Variants in AUTS2 observed in about 807,000 individuals in gnomAD.
The protein encoded by AUTS2 is activator of transcription and developmental regulator AUTS2.
AUTS2 carries 17 observed loss-of-function variants against 112.4 expected under a neutral mutation model. That is an observed-to-expected ratio of 0.15 (90% CI 0.10 to 0.23). The LOEUF (loss-of-function observed/expected upper bound fraction) is 0.23. Among genes scored for constraint, AUTS2 ranks in the 10% least tolerant of loss-of-function variants. The pLI, the probability that AUTS2 is intolerant of heterozygous loss-of-function variation, is 1.00. For missense variants in AUTS2, 1,510 were observed against 1,701.6 expected (o/e 0.89, Z 1.98); for synonymous variants, 751 against 702.7 (o/e 1.07, Z -1.09).
intron 6 of AUTS2, among the ~76,000 whole-genome samples, chr7:70,741,256 A>C (rs1477569820): frequency 6.6e-6 from 1 of 152,018 alleles, no homozygotes; most frequent in African/African-American, 2.4e-5. Flanking sequence ...TAAAATCACC[A>C]TGCTGTTCAC....
intron 5 of AUTS2, among the ~76,000 whole-genome samples, chr7:70,628,314 CTATATATATATATACATATATATATAG>C (rs1379139113): frequency 1.7e-5 from 1 of 59,602 alleles, no homozygotes; most frequent in Non-Finnish European, 3.1e-5. Context: ...ATTTGCAAAA[CTATATATATATATACATATATATATAG>C]TATATATATA....
chr7:70,144,788 AAAGTC>A, intron 4 of AUTS2, among the ~76,000 whole-genome samples: 1 of 152,100 alleles, frequency 6.6e-6, no homozygotes, highest in Non-Finnish European at 1.5e-5. Flanking sequence ...GTTATAGTTG[AAAGTC>A]ACATTAATTT....
At chr7:70,585,979 C>T (rs1435467640) in intron 5 of AUTS2, among the ~76,000 whole-genome samples, 1 of 152,074 alleles carries the variant, frequency 6.6e-6, no homozygotes, top group Non-Finnish European at 1.5e-5. Flanking sequence ...TCTCCTGCCT[C>T]AGCCCCCTAA....
intron 2 of AUTS2, among the ~76,000 whole-genome samples, chr7:69,990,492 C>T (rs1157773216): frequency 1.3e-5 from 2 of 152,048 alleles, no homozygotes; most frequent in African/African-American, 4.8e-5. Context: ...GTTCTTCAAA[C>T]CAAAATGACT....
At position 70,033,451 on chromosome 7, in the gene AUTS2, C is replaced by A. The variant is rs189131935; in HGVS notation, c.523-84681C>A. On this transcript the variant is annotated intron_variant, in intron 2 of 18. Transcript: ENST00000342771. Reference sequence around the variant, plus strand: ...TGAGAGAATGCCATGCATTGGGAAGCAGTGTGGGGCAAGATCTGTGTGGCT... The same window carrying A: ...TGAGAGAATGCCATGCATTGGGAAGAAGTGTGGGGCAAGATCTGTGTGGCT... Among the ~76,000 whole-genome samples, 238 of 152,196 alleles carry A rather than the reference C, an allele frequency of 1.6e-3. 2 individuals carry two copies. The highest frequency in any genetic ancestry group is 7.7e-4 in the East Asian group (4 of 5,176).
chr7:70,790,745 G>A lies in AUTS2; in HGVS notation c.3529G>A (p.Gly1177Arg), dbSNP rs1272659885. 5.0e-6 allele frequency: 8 copies of A among 1,613,248 alleles called. No homozygotes were observed. The highest frequency in any genetic ancestry group is 1.3e-5 in the African/African-American group (1 of 74,844). Residue 1177 changes from glycine (G) to arginine (R), a missense_variant, in exon 19 of 19, where the codon GGA (glycine) becomes AGA (arginine). Gly to Arg is a moderately radical substitution (Grantham distance 125). Around this residue, in one of 3 missense-constraint regions of AUTS2, gnomAD observed 788 missense variants for 797.6 expected, o/e 0.99. Coordinates refer to ENST00000342771, the MANE Select transcript of AUTS2 (RefSeq NM_015570.4). The surrounding 1 kb of genome is among the most constrained non-coding windows in gnomAD (Gnocchi z 7.6). ...CTCCGTGCACCCCGCCTCCCTCGAC[G>A]GACACCTCCCCCACCCCAGCCTCAT... Reference protein sequence around the residue: ...LHSVHPASLDGHLPHPSLITP... With the variant: ...LHSVHPASLDRHLPHPSLITP...
At chr7:70,206,594 G>A (rs567769253) in intron 4 of AUTS2, among the ~76,000 whole-genome samples, 152 of 152,240 alleles carry the variant, frequency 1.0e-3, no homozygotes, top group African/African-American at 3.6e-3. Context: ...CCACCTACAA[G>A]GATGTCTCAA....
intron 2 of AUTS2, among the ~76,000 whole-genome samples, chr7:70,059,739 G>C (rs115275242): frequency 6.6e-6 from 1 of 152,006 alleles, no homozygotes; most frequent in Non-Finnish European, 1.5e-5. Context: ...TTATGTTTTC[G>C]ATGCCTTCGA....
At chr7:70,054,970 A>G (rs915119092) in intron 2 of AUTS2, among the ~76,000 whole-genome samples, 3 of 151,948 alleles carry the variant, frequency 2.0e-5, no homozygotes, top group South Asian at 4.1e-4. Context: ...TTCTCCTGAT[A>G]TAACTTACTT....
chr7:70,275,722 G>T (rs1787897639), intron 4 of AUTS2, among the ~76,000 whole-genome samples: 2 of 152,088 alleles, frequency 1.3e-5, no homozygotes, highest in Non-Finnish European at 2.9e-5. Flanking sequence ...TTGTGATAGT[G>T]AGTACTCACA....
intron 1 of AUTS2, among the ~76,000 whole-genome samples, chr7:69,812,632 C>T (rs1418758710): frequency 1.3e-5 from 2 of 152,140 alleles, no homozygotes; most frequent in East Asian, 3.9e-4. Context: ...CAACTTTCAA[C>T]TGTATTTTGT....
At chr7:69,734,602 T>C (rs1198915240) in intron 1 of AUTS2, among the ~76,000 whole-genome samples, 3 of 151,844 alleles carry the variant, frequency 2.0e-5, no homozygotes, top group African/African-American at 4.8e-5. Context: ...TTTTGAAATA[T>C]ATATATGTAT....
chr7:69,712,439 GACA>G (rs1798371154), intron 1 of AUTS2, among the ~76,000 whole-genome samples: 2 of 137,978 alleles, frequency 1.4e-5, no homozygotes, highest in African/African-American at 5.3e-5. Context: ...TAGATTAATT[GACA>G]CTTCCAACAA....
intron 5 of AUTS2, among the ~76,000 whole-genome samples, chr7:70,656,935 C>G (rs1326282280): frequency 6.6e-6 from 1 of 152,156 alleles, no homozygotes; most frequent in African/African-American, 2.4e-5. Flanking sequence ...TAGGTCATAT[C>G]TGTATTTTAA....
At chr7:70,502,551 T>C (rs569084343) in intron 5 of AUTS2, among the ~76,000 whole-genome samples, 3 of 152,276 alleles carry the variant, frequency 2.0e-5, no homozygotes, top group African/African-American at 7.2e-5. Flanking sequence ...CAGTGGTGCT[T>C]GTAGAACTTA....
intron 5 of AUTS2, among the ~76,000 whole-genome samples, chr7:70,561,270 ACT>A (rs766413884): frequency 1.6e-4 from 24 of 152,114 alleles, no homozygotes; most frequent in Middle Eastern, 3.4e-3. Flanking sequence ...TGCTCCAAAG[ACT>A]CTGTACCAGT....
At chr7:70,084,457 A>G (rs532904557) in intron 2 of AUTS2, among the ~76,000 whole-genome samples, 1 of 152,346 alleles carries the variant, frequency 6.6e-6, no homozygotes, top group Non-Finnish European at 1.5e-5. Flanking sequence ...GAAACTGCCA[A>G]ACAATAATCA....
At chr7:70,335,151 G>A (rs1790931149) in intron 4 of AUTS2, among the ~76,000 whole-genome samples, 2 of 152,092 alleles carry the variant, frequency 1.3e-5, no homozygotes, top group Non-Finnish European at 2.9e-5. Context: ...TGTTTCTCAG[G>A]CTTTCTTATA....
intron 5 of AUTS2, among the ~76,000 whole-genome samples, chr7:70,475,984 A>G (rs1463954653): frequency 1.3e-5 from 2 of 152,160 alleles, no homozygotes; most frequent in Non-Finnish European, 2.9e-5. Context: ...AGCCAAGATC[A>G]CACCACTGCA....
Sources: gnomAD v4.1 joint callset for allele counts (sites outside exome capture counted in the v4.1 genomes callset) on GRCh38, gnomAD v4.1.1 for gene constraint, gnomAD v4.1.1 regional missense constraint, Gnocchi (gnomAD v3.1) non-coding constraint, MANE v1.5 for transcripts, NCBI Gene and HGNC (gene_info 2026-07-23, HGNC 2026-07-21) for gene names.